ME3: variants seen among roughly 807,000 people sequenced by gnomAD.
The protein encoded by ME3 is malic enzyme 3.
ME3 carries 48 observed loss-of-function variants against 68.9 expected under a neutral mutation model. That is an observed-to-expected ratio of 0.70 (90% CI 0.55 to 0.89). The LOEUF (loss-of-function observed/expected upper bound fraction) is 0.89. Ranked by LOEUF, ME3 falls within the 40% of genes least tolerant of loss-of-function variation. The probability of loss-of-function intolerance (pLI) is 0.00; values close to 1 mark genes in which losing one functional copy is unlikely to be tolerated. For synonymous variants in ME3, 320 were observed against 318.8 expected (o/e 1.00, Z -0.04); for missense variants, 675 against 797.4 (o/e 0.85, Z 1.85).
At chr11:86,552,799 C>T (rs1170922249) in intron 4 of ME3, among the ~76,000 whole-genome samples, 2 of 152,174 alleles carry the variant, frequency 1.3e-5, no homozygotes, top group Admixed American at 1.3e-4. Context: ...CCTCCATCAC[C>T]CATACGGGTT....
At chr11:86,461,259 C>T (rs998967325) in intron 8 of ME3, among the ~76,000 whole-genome samples, 1 of 152,142 alleles carries the variant, frequency 6.6e-6, no homozygotes, top group Non-Finnish European at 1.5e-5. Context: ...AAGCTTTAAC[C>T]CCCTGGGCTT....
At chr11:86,624,456 A>G (rs779582866) in intron 2 of ME3, among the ~76,000 whole-genome samples, 24 of 152,220 alleles carry the variant, frequency 1.6e-4, no homozygotes, top group Non-Finnish European at 2.9e-4. Context: ...TATAGGTTTG[A>G]GAACACTCCT....
At chr11:86,567,866 A>G (rs1957571634) in intron 2 of ME3, among the ~76,000 whole-genome samples, 1 of 152,224 alleles carries the variant, frequency 6.6e-6, no homozygotes. Flanking sequence ...GTGAGAACTT[A>G]TATTTCTCTA....
chr11:86,475,985 C>T (rs1265779750), intron 7 of ME3, among the ~76,000 whole-genome samples: 2 of 151,748 alleles, frequency 1.3e-5, no homozygotes, highest in East Asian at 1.9e-4. Context: ...ACATTGCAAT[C>T]GGGGCTTAGA....
intron 2 of ME3, among the ~76,000 whole-genome samples, chr11:86,669,042 C>A (rs1946749691): frequency 6.6e-6 from 1 of 152,216 alleles, no homozygotes; most frequent in Admixed American, 6.5e-5. Context: ...CACTATCTTC[C>A]CACCTGGCTG....
At chr11:86,498,067 C>T (rs762509717) in exon 6 of ME3, 9 of 1,613,760 alleles carry the variant, frequency 5.6e-6, no homozygotes, top group East Asian at 2.2e-5. Flanking sequence ...ATGCCCATGC[C>T]GTAGCAGCCC....
intron 4 of ME3, among the ~76,000 whole-genome samples, chr11:86,514,151 G>A (rs1443094051): frequency 6.6e-6 from 1 of 152,126 alleles, no homozygotes; most frequent in Non-Finnish European, 1.5e-5. Context: ...TCTCTCTCCT[G>A]CAACCTTGTG....
chr11:86,610,435 G>C (rs1214261288), intron 2 of ME3, among the ~76,000 whole-genome samples: 1 of 152,144 alleles, frequency 6.6e-6, no homozygotes, highest in Non-Finnish European at 1.5e-5. Flanking sequence ...GTTGAGCCTA[G>C]ATATTATGGG....
intron 14 of ME3, among the ~76,000 whole-genome samples, chr11:86,442,292 G>A (rs1949041551): frequency 6.6e-6 from 1 of 152,164 alleles, no homozygotes; most frequent in Non-Finnish European, 1.5e-5. Flanking sequence ...GGAAGAAAGA[G>A]ATTTACCCTG....
intron 4 of ME3, among the ~76,000 whole-genome samples, chr11:86,544,649 A>T (rs1956253258): frequency 6.6e-6 from 1 of 152,196 alleles, no homozygotes; most frequent in Non-Finnish European, 1.5e-5. Context: ...CAAGTTCTGA[A>T]ATTAAGGCAC....
chr11:86,665,782 G>A (rs113424416), intron 2 of ME3, among the ~76,000 whole-genome samples: 5 of 152,174 alleles, frequency 3.3e-5, no homozygotes, highest in Non-Finnish European at 5.9e-5. Flanking sequence ...TCCAGATTTA[G>A]TCTGAAGACA....
intron 2 of ME3, among the ~76,000 whole-genome samples, chr11:86,662,605 T>A (rs773811299): frequency 2.6e-4 from 39 of 151,786 alleles, no homozygotes; most frequent in Non-Finnish European, 5.2e-4. Context: ...TGTAAAAAAA[T>A]AAAAATGAAA....
intron 6 of ME3, among the ~76,000 whole-genome samples, chr11:86,489,945 C>A (rs1480664644): frequency 6.6e-6 from 1 of 152,166 alleles, no homozygotes; most frequent in Non-Finnish European, 1.5e-5. Flanking sequence ...AGAGGTGAAG[C>A]AGCCTGCTTA....
At chr11:86,607,755 C>G (rs1212626829) in intron 2 of ME3, among the ~76,000 whole-genome samples, 1 of 150,794 alleles carries the variant, frequency 6.6e-6, no homozygotes, top group Non-Finnish European at 1.5e-5. Flanking sequence ...TTACATTGAG[C>G]AAAAGTTGAT....
chr11:86,553,772 A>G (rs1015124357), intron 4 of ME3, among the ~76,000 whole-genome samples: 22 of 152,134 alleles, frequency 1.4e-4, no homozygotes, highest in African/African-American at 5.3e-4. Flanking sequence ...AGAGCTCTAG[A>G]AGTGGTATCT....
intron 2 of ME3, among the ~76,000 whole-genome samples, chr11:86,630,453 A>G (rs186392193): frequency 1.3e-5 from 2 of 152,296 alleles, no homozygotes; most frequent in East Asian, 3.9e-4. Flanking sequence ...CTGGGTTTCC[A>G]TGAAACAGAG....
At chr11:86,526,228 G>A (rs534857760) in intron 4 of ME3, among the ~76,000 whole-genome samples, 1 of 152,220 alleles carries the variant, frequency 6.6e-6, no homozygotes, top group Non-Finnish European at 1.5e-5. Context: ...TATATCCCGT[G>A]CATGGCTCGG....
chr11:86,597,779 T>C (rs540363104), intron 2 of ME3, among the ~76,000 whole-genome samples: 33 of 151,828 alleles, frequency 2.2e-4, no homozygotes, highest in Non-Finnish European at 2.9e-4. Flanking sequence ...ACCAAAGTGG[T>C]TGGGGTACAG....
chr11:86,573,794 A>G (rs1957936920), intron 2 of ME3, among the ~76,000 whole-genome samples: 1 of 152,198 alleles, frequency 6.6e-6, no homozygotes, highest in Non-Finnish European at 1.5e-5. Flanking sequence ...TATTATATTG[A>G]GATATGTTCC....
Sources: gnomAD v4.1 joint callset for allele counts (sites outside exome capture counted in the v4.1 genomes callset) on GRCh38, gnomAD v4.1.1 for gene constraint, MANE v1.5 for transcripts, NCBI Gene and HGNC (gene_info 2026-07-23, HGNC 2026-07-21) for gene names.